The following NEBL variants were observed in gnomAD, a reference collection of about 807,000 sequenced individuals.
NEBL encodes the protein LIM and SH3 protein 2.
In NEBL, 122 loss-of-function variants were observed where a neutral mutation model predicts 140.2. The observed-to-expected ratio is 0.87, with a 90% CI of 0.75 to 1.01. The LOEUF (loss-of-function observed/expected upper bound fraction) is 1.01. Among genes scored for constraint, NEBL ranks in the 50% least tolerant of loss-of-function variants. The probability of loss-of-function intolerance (pLI) is 0.00; values close to 1 mark genes in which losing one functional copy is unlikely to be tolerated. For synonymous variants in NEBL, 436 were observed against 398.9 expected, an observed-to-expected ratio of 1.09 and a Z score of -1.11; for missense variants, 1,365 against 1,231.3, an observed-to-expected ratio of 1.11 and a Z score of -1.62.
chr10:21,024,056 T>C (rs1167091674), intron 2 of NEBL, among the ~76,000 whole-genome samples: 1 of 147,958 alleles, frequency 6.8e-6, no homozygotes, highest in Non-Finnish European at 1.5e-5. Context: ...TTGGAAAAAG[T>C]GTTACTCTGG....
chr10:21,209,528 G>A (rs1042875435), intron 3 of NEBL, among the ~76,000 whole-genome samples: 2 of 152,036 alleles, frequency 1.3e-5, no homozygotes, highest in Non-Finnish European at 2.9e-5. Context: ...GTAGGCAGCT[G>A]GAAGTATATG....
intron 3 of NEBL, among the ~76,000 whole-genome samples, chr10:21,233,848 A>ACATATATATG (rs1269443132): frequency 1.8e-4 from 19 of 105,412 alleles, no homozygotes; most frequent in Non-Finnish European, 1.1e-4. Flanking sequence ...GATATATATT[A>ACATATATATG]CATATATAGA....
intron 18 of NEBL, among the ~76,000 whole-genome samples, chr10:20,824,036 A>C (rs1024217512): frequency 1.3e-5 from 2 of 152,204 alleles, no homozygotes; most frequent in African/African-American, 4.8e-5. Flanking sequence ...GGCAAATGGT[A>C]ATACAAGCAT....
Position 20,780,398 on chromosome 10 carries a change from A to C in NEBL, c.*5349T>G, listed in dbSNP as rs898182567. On this transcript the variant is annotated 3_prime_UTR_variant, in exon 28 of 28. Transcript: ENST00000377122. The stretch of plus-strand genomic sequence containing the variant: ...GCGGTACTTTGATATAAAATCAGAA[A>C]GATACTGAGCTTGGAGAAGCATAAT... 4 of 152,212 alleles carry C rather than the reference A, an allele frequency of 2.6e-5. No homozygotes were observed. The highest frequency in any genetic ancestry group is 5.9e-5 in the Non-Finnish European group (4 of 68,042). The allele number at this position is 152,212 out of a possible 1,614,324, so 9.4% of individuals were successfully genotyped here. A position where few individuals can be genotyped will look rare whatever the true frequency, so the allele number is the denominator to read the frequency against.
chr10:21,248,356 GA>G (rs57287106), intron 2 of NEBL, among the ~76,000 whole-genome samples: 2,041 of 138,672 alleles, frequency 0.015, 35 homozygotes, highest in African/African-American at 0.046. Flanking sequence ...AAACTCACTA[GA>G]AAAAAAAAAA....
intron 3 of NEBL, chr10:21,218,372 C>G (rs1287916783): frequency 1.3e-5 from 2 of 152,184 alleles, no homozygotes; most frequent in Non-Finnish European, 2.9e-5. Context: ...TTAAACCATT[C>G]TACAGATAGT....
intron 1 of NEBL, among the ~76,000 whole-genome samples, chr10:21,264,409 G>A (rs1221977345): frequency 6.6e-6 from 1 of 152,150 alleles, no homozygotes; most frequent in African/African-American, 2.4e-5. Flanking sequence ...GAATGAACTG[G>A]GTGGGCCATC....
chr10:20,911,086 C>T (rs1693105253), intron 4 of NEBL, among the ~76,000 whole-genome samples: 1 of 151,886 alleles, frequency 6.6e-6, no homozygotes. Flanking sequence ...ATTGCTTGAG[C>T]CTGGGAGGTG....
intron 2 of NEBL, among the ~76,000 whole-genome samples, chr10:21,158,345 A>G (rs1428040699): frequency 5.9e-5 from 9 of 152,218 alleles, no homozygotes; most frequent in Admixed American, 5.9e-4. Context: ...ATAATAGCCA[A>G]CATTTATACA....
At chr10:20,963,753 G>A (rs2131622363) in intron 3 of NEBL, among the ~76,000 whole-genome samples, 1 of 152,260 alleles carries the variant, frequency 6.6e-6, no homozygotes, top group Non-Finnish European at 1.5e-5. Context: ...ACATTCACAA[G>A]ACACAAAAGA....
At chr10:21,087,538 C>A (rs1347711973) in intron 2 of NEBL, among the ~76,000 whole-genome samples, 1 of 152,172 alleles carries the variant, frequency 6.6e-6, no homozygotes, top group Non-Finnish European at 1.5e-5. Flanking sequence ...AATTCACAAT[C>A]CACCTCTCCT....
chr10:20,831,537 A>G lies in NEBL; in HGVS notation c.1496T>C (p.Met499Thr). 6.2e-7 allele frequency: 1 copy of G among 1,612,674 alleles called. No individual in the cohort carries two copies. The highest frequency in any genetic ancestry group is 1.3e-5 in the African/African-American group (1 of 74,714). ...ATCAAGAGTGTCTGTGCTCACCTGCATCCCTTTCCCTTTAATTTCAGTCTC... is the reference window on the plus strand; with the variant it reads ...ATCAAGAGTGTCTGTGCTCACCTGCGTCCCTTTCCCTTTAATTTCAGTCTC... ...DLETEIKGKG[M>T]QVSTDTLDVQ... The change falls in exon 15 of 28, where the codon ATG becomes ACG. Residue 499 changes from methionine (M) to threonine (T), a missense_variant. Physicochemically the swap from Met to Thr is moderately conservative, Grantham distance 81 (BLOSUM62 -1). Around this residue, in one of 2 missense-constraint regions of NEBL, gnomAD observed 1,323 missense variants for 1,154.8 expected, o/e 1.15. Coordinates refer to ENST00000377122, the MANE Select transcript of NEBL (RefSeq NM_006393.3).
chr10:21,060,722 C>G (rs1265200998), intron 2 of NEBL, among the ~76,000 whole-genome samples: 5 of 151,980 alleles, frequency 3.3e-5, no homozygotes, highest in Admixed American at 6.6e-5. Flanking sequence ...TGTTTCCATT[C>G]TCTCTTCCAT....
intron 2 of NEBL, among the ~76,000 whole-genome samples, chr10:21,131,610 GACA>G (rs1047362031): frequency 2.4e-4 from 36 of 152,260 alleles, no homozygotes; most frequent in Admixed American, 1.5e-3. Flanking sequence ...TGTGGAAAGA[GACA>G]ACATTTCCAT....
chr10:20,819,853 G>T (rs1469828790), intron 19 of NEBL, among the ~76,000 whole-genome samples: 1 of 151,998 alleles, frequency 6.6e-6, no homozygotes, highest in Non-Finnish European at 1.5e-5. Context: ...GCCTCCCAAA[G>T]TGCTGGGATT....
intron 24 of NEBL, among the ~76,000 whole-genome samples, chr10:20,812,376 G>A (rs1838236730): frequency 6.6e-6 from 1 of 151,600 alleles, no homozygotes; most frequent in Admixed American, 6.6e-5. Context: ...CAACATGCAG[G>A]TTTGTTACAT....
intron 2 of NEBL, among the ~76,000 whole-genome samples, chr10:21,058,405 A>G (rs1835127474): frequency 6.6e-6 from 1 of 152,202 alleles, no homozygotes; most frequent in Non-Finnish European, 1.5e-5. Flanking sequence ...CAAACAAAAA[A>G]ATTTCAAACA....
chr10:20,809,968 C>G (rs1231519316), intron 24 of NEBL, 70 bp from the exon 25 acceptor site: 1 of 803,566 alleles, frequency 1.2e-6, no homozygotes, highest in Non-Finnish European at 1.9e-6. Flanking sequence ...AAAAAAAAAG[C>G]CAGTACCCAA....
At chr10:20,994,820 G>C (rs754874643) in intron 3 of NEBL, among the ~76,000 whole-genome samples, 1 of 152,096 alleles carries the variant, frequency 6.6e-6, no homozygotes, top group Non-Finnish European at 1.5e-5. Context: ...AGTGGAAATG[G>C]ACCATCACAA....
Sources: allele counts gnomAD v4.1 joint callset (sites outside exome capture counted in the v4.1 genomes callset), GRCh38; gene constraint gnomAD v4.1.1; regional missense constraint gnomAD v4.1.1; transcripts MANE v1.5; gene names NCBI Gene and HGNC (gene_info 2026-07-23, HGNC 2026-07-21).